MYO5B: variants seen among roughly 807,000 people sequenced by gnomAD.
The protein encoded by MYO5B is unconventional myosin-Vb.
MYO5B carries 143 observed loss-of-function variants against 229.3 expected under a neutral mutation model. The ratio of observed to expected loss-of-function variants is 0.62; its 90% CI spans 0.54 to 0.72. MYO5B has a LOEUF of 0.72. Among genes scored for constraint, MYO5B ranks in the 30% least tolerant of loss-of-function variants. MYO5B has a pLI of 0.00. For missense variants in MYO5B, 2,321 were observed against 2,331.0 expected (o/e 1.00, Z 0.09); for synonymous variants, 918 against 885.2 (o/e 1.04, Z -0.66).
chr18:50,148,036 T>C (rs902753699), intron 1 of MYO5B, among the ~76,000 whole-genome samples: 11 of 150,590 alleles, frequency 7.3e-5, no homozygotes, highest in South Asian at 2.2e-4. Flanking sequence ...CAAACTACCA[T>C]CAGAGAATAC....
At chr18:50,138,665 AAG>A (rs1296666324) in intron 1 of MYO5B, among the ~76,000 whole-genome samples, 1 of 152,170 alleles carries the variant, frequency 6.6e-6, no homozygotes, top group Non-Finnish European at 1.5e-5. Flanking sequence ...AAAAAAAAAA[AAG>A]AAGTGAAATT....
At chr18:49,994,538 T>C (rs1487946269) in intron 5 of MYO5B, among the ~76,000 whole-genome samples, 1 of 152,136 alleles carries the variant, frequency 6.6e-6, no homozygotes, top group East Asian at 1.9e-4. Flanking sequence ...AGTACAACCT[T>C]GGTATGTTGG....
intron 1 of MYO5B, among the ~76,000 whole-genome samples, chr18:50,162,098 A>C (rs1372834433): frequency 6.6e-6 from 1 of 152,276 alleles, no homozygotes; most frequent in Non-Finnish European, 1.5e-5. Context: ...TCTGTCTTGC[A>C]AGATGAGGTC....
At chr18:50,139,610 CA>C (rs1240575550) in intron 1 of MYO5B, among the ~76,000 whole-genome samples, 1 of 152,150 alleles carries the variant, frequency 6.6e-6, no homozygotes, top group Admixed American at 6.5e-5. Context: ...GCCCTTTGCC[CA>C]GCAGAGGACC....
At chr18:49,835,027 T>C (rs2023970959) in intron 39 of MYO5B, among the ~76,000 whole-genome samples, 1 of 152,246 alleles carries the variant, frequency 6.6e-6, no homozygotes, top group Admixed American at 6.5e-5. Flanking sequence ...AGGGCTGATA[T>C]TCTGCTGACA....
chr18:50,077,343 T>G (rs1026973866), intron 1 of MYO5B, among the ~76,000 whole-genome samples: 4 of 152,130 alleles, frequency 2.6e-5, no homozygotes, highest in African/African-American at 7.2e-5. Flanking sequence ...CAGAGACGCT[T>G]GCTACTTCAC....
intron 16 of MYO5B, 68 bp from the exon 17 acceptor site, chr18:49,929,666 A>G: frequency 3.0e-6 from 4 of 1,354,152 alleles, no homozygotes; most frequent in Non-Finnish European, 4.1e-6. Flanking sequence ...CAAAAAAGAA[A>G]CAAAAAAGAA....
In MYO5B at chr18:49,965,455, TCACA is replaced by T. The variant is rs57101973; in HGVS notation, c.1323-2429_1323-2426del. Among the ~76,000 whole-genome samples, 1,047 of 147,206 alleles carry T rather than the reference TCACA, an allele frequency of 7.1e-3. 13 individuals are homozygous for T. The highest frequency in any genetic ancestry group is 0.024 in the African/African-American group (958 of 39,530). ...TCTTTTCATACAAACACACTTCTTT[TCACA>T]CACACACACACACACACACACACAC... On this transcript the variant is annotated intron_variant, in intron 10 of 39. Coordinates refer to ENST00000285039, the MANE Select transcript of MYO5B (RefSeq NM_001080467.3).
intron 17 of MYO5B, among the ~76,000 whole-genome samples, chr18:49,917,573 C>G (rs1025720604): frequency 6.6e-6 from 1 of 152,212 alleles, no homozygotes. Flanking sequence ...AGATGGCCAT[C>G]GAGACGCCTT....
intron 26 of MYO5B, 92 bp from the exon 27 acceptor site, chr18:49,872,324 C>T: frequency 7.7e-7 from 1 of 1,292,768 alleles, no homozygotes; most frequent in East Asian, 2.3e-5. Context: ...GCTCATCCTG[C>T]CTGTGCGTGA....
At chr18:49,908,130 T>G (rs964261765) in intron 18 of MYO5B, among the ~76,000 whole-genome samples, 2 of 152,186 alleles carry the variant, frequency 1.3e-5, no homozygotes, top group African/African-American at 2.4e-5. Context: ...CAACAGTACC[T>G]GCGCTTCATT....
intron 8 of MYO5B, among the ~76,000 whole-genome samples, chr18:49,981,387 C>A (rs1407626120): frequency 6.6e-6 from 1 of 152,152 alleles, no homozygotes; most frequent in Admixed American, 6.5e-5. Context: ...TTTATTCAGG[C>A]TAAAAAACAG....
At chr18:50,049,622 G>A (rs947315188) in intron 2 of MYO5B, among the ~76,000 whole-genome samples, 2 of 152,098 alleles carry the variant, frequency 1.3e-5, no homozygotes, top group Admixed American at 1.3e-4. Context: ...TCTCTGTTGT[G>A]GGGGTGCCAC....
chr18:50,161,544 G>A (rs967831948), intron 1 of MYO5B, among the ~76,000 whole-genome samples: 4 of 152,144 alleles, frequency 2.6e-5, no homozygotes, highest in African/African-American at 9.7e-5. Context: ...GGGGGGCACA[G>A]GAGTCACTGC....
intron 17 of MYO5B, among the ~76,000 whole-genome samples, chr18:49,926,371 G>C (rs2025128436): frequency 6.6e-6 from 1 of 152,272 alleles, no homozygotes; most frequent in Admixed American, 6.5e-5. Flanking sequence ...GCCAGGTGGA[G>C]AGAAGACAGG....
At chr18:50,080,529 C>T (rs529603503) in intron 1 of MYO5B, among the ~76,000 whole-genome samples, 35 of 152,148 alleles carry the variant, frequency 2.3e-4, no homozygotes, top group Admixed American at 5.2e-4. Context: ...AACAGCTGCC[C>T]CCAAGAGTCA....
At chr18:49,872,351 C>G (rs2024465294) in intron 26 of MYO5B, 119 bp from the exon 27 acceptor site, 3 of 938,148 alleles carry the variant, frequency 3.2e-6, no homozygotes, top group South Asian at 1.3e-5. Context: ...AACACCCCCA[C>G]CCTCCACAAG....
intron 1 of MYO5B, among the ~76,000 whole-genome samples, chr18:50,146,426 G>A (rs767478901): frequency 6.6e-6 from 1 of 152,232 alleles, no homozygotes; most frequent in Non-Finnish European, 1.5e-5. Flanking sequence ...GCCCGCTGGA[G>A]TGCCAGCAGC....
intron 26 of MYO5B, among the ~76,000 whole-genome samples, chr18:49,875,456 G>C (rs1423618844): frequency 6.6e-6 from 1 of 152,096 alleles, no homozygotes; most frequent in South Asian, 2.1e-4. Context: ...CTTCCCCCTA[G>C]CTTCACCAAC....
Sources: allele counts gnomAD v4.1 joint callset (sites outside exome capture counted in the v4.1 genomes callset), GRCh38; gene constraint gnomAD v4.1.1; transcripts MANE v1.5; gene names NCBI Gene and HGNC (gene_info 2026-07-23, HGNC 2026-07-21).